GPHN: variants seen among roughly 807,000 people sequenced by gnomAD.
GPHN encodes gephyrin.
In GPHN, 17 loss-of-function variants were observed where a neutral mutation model predicts 95.5. The observed-to-expected ratio is 0.18, with a 90% CI of 0.12 to 0.27. The LOEUF (loss-of-function observed/expected upper bound fraction) is 0.27, where lower values mean the gene tolerates loss of function less well. GPHN is among the 10% of genes least tolerant of loss of function. GPHN has a pLI of 1.00. For missense variants in GPHN, 660 were observed against 978.1 expected (o/e 0.67, Z 4.34); for synonymous variants, 320 against 322.5 (o/e 0.99, Z 0.08).
At chr14:67,319,134 G>GA in the GPHN span, among the ~76,000 whole-genome samples, 48 of 152,174 alleles carry the variant, frequency 3.2e-4, no homozygotes, top group Non-Finnish European at 5.4e-4. Flanking sequence ...GGTTGAGCTG[G>GA]AATTTAAACA....
At chr14:66,764,790 T>C (rs956011210) in intron 2 of GPHN, among the ~76,000 whole-genome samples, 1 of 152,012 alleles carries the variant, frequency 6.6e-6, no homozygotes, top group African/African-American at 2.4e-5. Context: ...AAAGATAATA[T>C]AATTACTTAT....
At chr14:67,625,437 G>T in the GPHN span, among the ~76,000 whole-genome samples, 2 of 152,152 alleles carry the variant, frequency 1.3e-5, no homozygotes, top group Non-Finnish European at 1.5e-5. Context: ...CCAGCACTTT[G>T]GGAGGCTGAG....
the GPHN span, chr14:67,690,710 G>A: frequency 2.3e-6 from 1 of 428,072 alleles, no homozygotes; most frequent in Admixed American, 3.9e-5. Context: ...TTGGCTGGGT[G>A]CGGTGGCTCA....
chr14:67,231,617 G>C, the GPHN span, among the ~76,000 whole-genome samples: 3 of 152,060 alleles, frequency 2.0e-5, no homozygotes, highest in Admixed American at 2.0e-4. Context: ...GGTTACATTA[G>C]TGTGTATATT....
chr14:66,830,319 G>A (rs984709771), intron 4 of GPHN, among the ~76,000 whole-genome samples: 2 of 151,904 alleles, frequency 1.3e-5, no homozygotes, highest in Non-Finnish European at 2.9e-5. Context: ...ATATTGAAGT[G>A]TATTGCCTCA....
At chr14:67,241,867 C>T in the GPHN span, 1 of 152,182 alleles carries the variant, frequency 6.6e-6, no homozygotes, top group Non-Finnish European at 1.5e-5. Flanking sequence ...CCCCTGCGCC[C>T]TCTCTCCGAG....
chr14:67,094,751 G>T (rs1461074371), intron 12 of GPHN, among the ~76,000 whole-genome samples: 1 of 152,118 alleles, frequency 6.6e-6, no homozygotes, highest in Non-Finnish European at 1.5e-5. Flanking sequence ...CATGATGGTG[G>T]TCCCATGAGA....
the GPHN span, among the ~76,000 whole-genome samples, chr14:67,331,395 AAAAC>A: frequency 2.5e-4 from 38 of 152,128 alleles, no homozygotes; most frequent in African/African-American, 9.2e-4. Context: ...GTGCTGAAGT[AAAAC>A]AGATTTTCAA....
At chr14:66,540,118 T>G (rs1013629023) in intron 1 of GPHN, among the ~76,000 whole-genome samples, 1 of 152,246 alleles carries the variant, frequency 6.6e-6, no homozygotes, top group Non-Finnish European at 1.5e-5. Flanking sequence ...TTGCTCTTGC[T>G]TCATGTTGGC....
chr14:67,295,747 C>T, the GPHN span, among the ~76,000 whole-genome samples: 1 of 152,162 alleles, frequency 6.6e-6, no homozygotes, highest in Non-Finnish European at 1.5e-5. Context: ...CTGAAACTCT[C>T]ATACATCACT....
intron 1 of GPHN, among the ~76,000 whole-genome samples, chr14:66,605,112 C>G (rs1595193365): frequency 6.6e-6 from 1 of 152,142 alleles, no homozygotes; most frequent in East Asian, 1.9e-4. Flanking sequence ...CGATGGGCAC[C>G]TAGGTTGATT....
the GPHN span, chr14:67,569,780 G>T: frequency 1.5e-6 from 1 of 655,596 alleles, no homozygotes; most frequent in Non-Finnish European, 2.8e-6. Context: ...GGGAGAAGAT[G>T]AACAGGGCCC....
At chr14:67,110,308 AT>A in intron 14 of GPHN, 49 bp downstream of exon 14, 2 of 1,601,554 alleles carry the variant, frequency 1.2e-6, no homozygotes, top group Non-Finnish European at 1.7e-6. Flanking sequence ...TGGCAGTATT[AT>A]GTCACAACCA....
At chr14:67,360,128 C>T in the GPHN span, 2 of 419,748 alleles carry the variant, frequency 4.8e-6, no homozygotes, top group Admixed American at 4.2e-5. Flanking sequence ...ATTCATTCTT[C>T]AGAGGCAAGG....
the GPHN span, among the ~76,000 whole-genome samples, chr14:67,598,258 G>T: frequency 1.3e-5 from 2 of 152,114 alleles, no homozygotes; most frequent in Non-Finnish European, 2.9e-5. Context: ...AGGAAGATGC[G>T]GTCACTGATT....
At chr14:67,365,540 C>T in the GPHN span, among the ~76,000 whole-genome samples, 11 of 152,204 alleles carry the variant, frequency 7.2e-5, no homozygotes, top group African/African-American at 2.4e-4. Context: ...TACCAGATCT[C>T]GTGGTATCTT....
the GPHN span, among the ~76,000 whole-genome samples, chr14:67,459,340 A>C: frequency 5.0e-4 from 76 of 152,226 alleles, no homozygotes; most frequent in African/African-American, 1.7e-3. Context: ...GGCCTATATT[A>C]TTGGTTTTTA....
chr14:67,170,104 T>C (rs940562998), intron 21 of GPHN, among the ~76,000 whole-genome samples: 3 of 151,958 alleles, frequency 2.0e-5, no homozygotes, highest in African/African-American at 7.2e-5. Flanking sequence ...AGATAAAATA[T>C]TTTAAAAAAT....
chr14:67,335,913 C>T, the GPHN span: 1 of 152,228 alleles, frequency 6.6e-6, no homozygotes. Context: ...AAAGCAAGAC[C>T]ATTGGATCCT....
Sources: gnomAD v4.1 joint callset for allele counts (sites outside exome capture counted in the v4.1 genomes callset) on GRCh38, gnomAD v4.1.1 for gene constraint, MANE v1.5 for transcripts, NCBI Gene and HGNC (gene_info 2026-07-23, HGNC 2026-07-21) for gene names.